Variants in ZNF462 observed in about 807,000 individuals in gnomAD.
The protein encoded by ZNF462 is zinc finger protein 462.
In ZNF462, 10 loss-of-function variants were observed where a neutral mutation model predicts 201.9. The ratio of observed to expected loss-of-function variants is 0.05; its 90% CI spans 0.03 to 0.08. The LOEUF (loss-of-function observed/expected upper bound fraction) is 0.08. ZNF462 is among the 10% of genes least tolerant of loss of function. The pLI is 1.00. For missense variants in ZNF462, 2,523 were observed against 3,168.3 expected (o/e 0.80, Z 4.89); for synonymous variants, 1,227 against 1,193.3 (o/e 1.03, Z -0.58).
intron 1 of ZNF462, among the ~76,000 whole-genome samples, chr9:106,910,016 G>A (rs1829476641): frequency 6.6e-6 from 1 of 152,050 alleles, no homozygotes; most frequent in Non-Finnish European, 1.5e-5. Context: ...TTCTCCACTT[G>A]CTTTCATCTA....
chr9:106,873,442 G>T (rs1382985590), intron 1 of ZNF462, among the ~76,000 whole-genome samples: 1 of 151,670 alleles, frequency 6.6e-6, no homozygotes, highest in Non-Finnish European at 1.5e-5. Flanking sequence ...AAAAGGTGTT[G>T]TACTTTTTTT....
chr9:106,895,630 AC>A lies in ZNF462; in HGVS notation c.-30-27723del, dbSNP rs1828778848. On this transcript the variant is annotated intron_variant, in intron 1 of 12. Coordinates refer to ENST00000277225, the MANE Select transcript of ZNF462 (RefSeq NM_021224.6). The surrounding 1 kb of genome is among the most constrained non-coding windows in gnomAD (Gnocchi z 4.4). ...TGACATTTGAAACTGGATAGATCTTACGTTATTTAATCCCTATGAAATGGAT... is the reference window on the plus strand; with the variant it reads ...TGACATTTGAAACTGGATAGATCTTAGTTATTTAATCCCTATGAAATGGAT... Among the ~76,000 whole-genome samples the A allele has an allele frequency of 6.6e-6, 1 of 152,266 alleles. No individual in the cohort carries two copies. Among genetic ancestry groups the A allele is most frequent in the South Asian group, 2.1e-4 (1 of 4,838 alleles).
chr9:106,947,069 A>C (rs1831141615), intron 7 of ZNF462, among the ~76,000 whole-genome samples: 1 of 152,226 alleles, frequency 6.6e-6, no homozygotes, highest in Admixed American at 6.5e-5. Context: ...ATGAGGGGCA[A>C]GTATACAGCT....
chr9:106,994,979 A>G (rs186005065), intron 10 of ZNF462, among the ~76,000 whole-genome samples: 1 of 152,330 alleles, frequency 6.6e-6, no homozygotes, highest in East Asian at 1.9e-4. Context: ...AAATAAATCA[A>G]TAAATGAAAT....
upstream of ZNF462, chr9:106,863,063 G>A (rs1827124395): frequency 2.5e-6 from 1 of 392,316 alleles, no homozygotes; most frequent in Non-Finnish European, 4.5e-6. Context: ...AGAGGAGAGA[G>A]AAGAGGAGAG....
At chr9:106,896,733 T>C (rs1348462627) in intron 1 of ZNF462, among the ~76,000 whole-genome samples, 3 of 152,226 alleles carry the variant, frequency 2.0e-5, no homozygotes, top group Non-Finnish European at 4.4e-5. Context: ...GTGTTTCTGC[T>C]AAACCTTGCT....
intron 1 of ZNF462, among the ~76,000 whole-genome samples, chr9:106,900,798 G>C (rs1043524548): frequency 6.6e-6 from 1 of 152,152 alleles, no homozygotes; most frequent in East Asian, 1.9e-4. Context: ...TTTGCCAGAT[G>C]TATAGATTGT....
rs1830397248 is a variant in ZNF462, at chr9:106,930,899, C to T, written c.6012+210C>T. ...GAAAGGTCGAGTTTCGATCTGGTTT[C>T]CTTCCACGCGGATAGTTTGGTGGCA... is the stretch of plus-strand genomic sequence containing the variant. On this transcript the variant is annotated intron_variant, in intron 4 of 12. Coordinates refer to ENST00000277225, the MANE Select transcript of ZNF462 (RefSeq NM_021224.6). This position sits in a 1 kb window ranked among gnomAD's most constrained non-coding sequence, Gnocchi z 5.8. 1 of 527,932 alleles carries T rather than the reference C, an allele frequency of 1.9e-6. No individual in the cohort carries two copies. Among genetic ancestry groups the T allele is most frequent in the African/African-American group, 1.9e-5 (1 of 52,406 alleles). The allele number at this position is 527,932 out of a possible 1,614,324, so 32.7% of individuals were successfully genotyped here.
At chr9:106,934,977 C>T (rs1830571081) in intron 5 of ZNF462, among the ~76,000 whole-genome samples, 1 of 152,154 alleles carries the variant, frequency 6.6e-6, no homozygotes, top group South Asian at 2.1e-4. Flanking sequence ...AACAAGACAG[C>T]CCATTGCAAG....
At position 106,924,851 on chromosome 9, in the gene ZNF462, C is replaced by A; in HGVS notation, c.939C>A (p.Pro313=). The A allele has an allele frequency of 2.5e-6, 4 of 1,614,188 alleles. No individual in the cohort carries two copies. Among genetic ancestry groups the A allele is most frequent in the Non-Finnish European group, 3.4e-6 (4 of 1,180,034 alleles). The change falls in exon 3 of 13, where the codon CCC becomes CCA. Residue 313 remains proline (P), a synonymous_variant. Coordinates refer to ENST00000277225, the MANE Select transcript of ZNF462 (RefSeq NM_021224.6). The surrounding 1 kb of genome is among the most constrained non-coding windows in gnomAD (Gnocchi z 6.2). ...LTMNAASREI[P]NTTVSNFRGS... ...TGAATGCTGCAAGCCGGGAGATACCCAATACTACCGTCTCCAACTTCAGGG... is the reference window on the plus strand; with the variant it reads ...TGAATGCTGCAAGCCGGGAGATACCAAATACTACCGTCTCCAACTTCAGGG...
intron 10 of ZNF462, among the ~76,000 whole-genome samples, chr9:106,994,243 A>C (rs1443366865): frequency 6.6e-6 from 1 of 152,138 alleles, no homozygotes; most frequent in Admixed American, 6.6e-5. Context: ...TAAGAAACTC[A>C]TATCTTACTT....
At chr9:106,961,530 G>C (rs1000723770) in intron 7 of ZNF462, among the ~76,000 whole-genome samples, 14 of 150,814 alleles carry the variant, frequency 9.3e-5, no homozygotes, top group Admixed American at 9.2e-4. Context: ...TTTTCAGTTT[G>C]TACTCTTTTT....
intron 7 of ZNF462, among the ~76,000 whole-genome samples, chr9:106,956,559 C>T (rs887155693): frequency 5.3e-5 from 8 of 152,090 alleles, no homozygotes; most frequent in African/African-American, 1.4e-4. Context: ...GCCTGTCCTT[C>T]GGAGCTTTGA....
At chr9:106,910,375 T>G (rs867024072) in intron 1 of ZNF462, among the ~76,000 whole-genome samples, 8 of 132,574 alleles carry the variant, frequency 6.0e-5, no homozygotes, top group African/African-American at 1.8e-4. Context: ...TTTTTTTTTT[T>G]TTTTTTTTTT....
At chr9:106,971,701 T>TGAA (rs2132035935) in intron 7 of ZNF462, among the ~76,000 whole-genome samples, 1 of 152,322 alleles carries the variant, frequency 6.6e-6, no homozygotes, top group Non-Finnish European at 1.5e-5. Flanking sequence ...TTATAATACT[T>TGAA]GAAATTTGTG....
rs1830279895 is a variant in ZNF462, at chr9:106,928,188, C to T, written c.4276C>T (p.Pro1426Ser). ...PILSSEELAGPVNCENSIPTP... is the reference protein window; with the variant it reads ...PILSSEELAGSVNCENSIPTP... ...TCTTTCATCCGAAGAGTTGGCAGGC[C>T]CTGTGAATTGTGAAAACAGTATACC... The change falls in exon 3 of 13, where the codon CCT (proline) becomes TCT (serine). Residue 1426 changes from proline (P) to serine (S), a missense_variant. Transcript: ENST00000277225. The surrounding 1 kb of genome is among the most constrained non-coding windows in gnomAD (Gnocchi z 9.3). 6.2e-7 allele frequency: 1 copy of T among 1,613,944 alleles called. No homozygotes were observed. Among genetic ancestry groups the T allele is most frequent in the South Asian group, 1.1e-5 (1 of 91,084 alleles).
At chr9:106,879,332 A>ACCCCCCCCCCCCCCCC (rs796290122) in intron 1 of ZNF462, among the ~76,000 whole-genome samples, 3 of 70,632 alleles carry the variant, frequency 4.2e-5, no homozygotes, top group African/African-American at 5.6e-5. Flanking sequence ...GATGCTTTCC[A>ACCCCCCCCCCCCCCCC]CCCCCCCCCC....
chr9:106,984,003 C>G lies in ZNF462; in HGVS notation c.6833-183C>G, dbSNP rs1211958515. Among the ~76,000 whole-genome samples the G allele has an allele frequency of 6.6e-6, 1 of 152,160 alleles. No homozygotes were observed. Among genetic ancestry groups the G allele is most frequent in the Non-Finnish European group, 1.5e-5 (1 of 68,032 alleles). On this transcript the variant is annotated intron_variant, in intron 9 of 12. Coordinates refer to ENST00000277225, the MANE Select transcript of ZNF462 (RefSeq NM_021224.6). The surrounding 1 kb of genome is among the most constrained non-coding windows in gnomAD (Gnocchi z 6.4). ...GCTTTTGGTCTTAAAAACACCCACTCATTCCTGAGGAATATGTTGTTTGGG... is the reference window on the plus strand; with the variant it reads ...GCTTTTGGTCTTAAAAACACCCACTGATTCCTGAGGAATATGTTGTTTGGG...
chr9:106,987,384 T>C (rs142293913), intron 10 of ZNF462, among the ~76,000 whole-genome samples: 1 of 152,342 alleles, frequency 6.6e-6, no homozygotes, highest in African/African-American at 2.4e-5. Context: ...TGGTATTGCA[T>C]TGTGGTTTCG....
Sources: allele counts gnomAD v4.1 joint callset (sites outside exome capture counted in the v4.1 genomes callset), GRCh38; gene constraint gnomAD v4.1.1; non-coding constraint Gnocchi (gnomAD v3.1); transcripts MANE v1.5; gene names NCBI Gene and HGNC (gene_info 2026-07-23, HGNC 2026-07-21).